The following SAMD4A variants were observed in gnomAD, a reference collection of about 807,000 sequenced individuals.
SAMD4A encodes the protein sterile alpha motif domain containing 4A, also known as protein Smaug homolog 1.
Under a neutral mutation model 81.3 loss-of-function variants are expected in SAMD4A, and 33 were observed. That is an observed-to-expected ratio of 0.41 (90% confidence interval 0.31 to 0.54). The LOEUF is 0.54. Among genes scored for constraint, SAMD4A ranks in the 20% least tolerant of loss-of-function variants. The pLI is 0.37. For missense variants in SAMD4A, 854 were observed against 951.1 expected (o/e 0.90, Z 1.34); for synonymous variants, 389 against 382.1 (o/e 1.02, Z -0.21).
chr14:54,686,005 A>G, intron 2 of SAMD4A: 1 of 391,834 alleles, frequency 2.6e-6, no homozygotes, highest in Non-Finnish European at 5.1e-6. Flanking sequence ...CAAAGGTCCT[A>G]TGTAGTCTCA....
intron 3 of SAMD4A, among the ~76,000 whole-genome samples, chr14:54,726,275 C>T (rs1004273107): frequency 1.8e-4 from 27 of 152,048 alleles, no homozygotes; most frequent in African/African-American, 6.3e-4. Flanking sequence ...CACTATTGCC[C>T]AGGAGTCAAA....
At chr14:54,728,221 T>A (rs1460882077) in intron 3 of SAMD4A, among the ~76,000 whole-genome samples, 1 of 152,176 alleles carries the variant, frequency 6.6e-6, no homozygotes, top group African/African-American at 2.4e-5. Flanking sequence ...ACGGTTTAAA[T>A]GAAAAATGCA....
chr14:54,768,672 A>C (rs1009371637), intron 8 of SAMD4A, among the ~76,000 whole-genome samples: 3 of 152,230 alleles, frequency 2.0e-5, no homozygotes, highest in Admixed American at 1.3e-4. Context: ...GTGTAGCTGG[A>C]CATGCAGGGA....
At chr14:54,675,713 C>T (rs1213529176) in intron 2 of SAMD4A, among the ~76,000 whole-genome samples, 1 of 152,220 alleles carries the variant, frequency 6.6e-6, no homozygotes. Context: ...TGAATACCAA[C>T]ACAGTATGTG....
chr14:54,784,637 T>G lies in SAMD4A; in HGVS notation c.2128+17T>G. The G allele has an allele frequency of 6.2e-7, 1 of 1,604,040 alleles. No individual in the cohort carries two copies. Among genetic ancestry groups the G allele is most frequent in the Non-Finnish European group, 8.5e-7 (1 of 1,170,870 alleles). On this transcript the variant is annotated intron_variant, in intron 12 of 12. Coordinates refer to ENST00000554335, the MANE Select transcript of SAMD4A (RefSeq NM_015589.6). ...CCCTGGGAGGTGAGTGTGTTCTTCC[T>G]GCATGTCCCCATGTCCCTGTTACCG... is the stretch of plus-strand genomic sequence containing the variant.
At chr14:54,642,338 C>T (rs2035193114) in intron 2 of SAMD4A, among the ~76,000 whole-genome samples, 1 of 152,130 alleles carries the variant, frequency 6.6e-6, no homozygotes, top group Non-Finnish European at 1.5e-5. Context: ...GGACTTTGTT[C>T]AATGAAGAGT....
chr14:54,591,884 G>C (rs1266555650), intron 2 of SAMD4A, among the ~76,000 whole-genome samples: 1 of 152,082 alleles, frequency 6.6e-6, no homozygotes, highest in Admixed American at 6.5e-5. Flanking sequence ...GAGTCTGATG[G>C]GGTTGAAAGC....
intron 11 of SAMD4A, 179 bp from the exon 12 acceptor site, chr14:54,784,358 G>C (rs780582903): frequency 8.3e-6 from 13 of 1,557,890 alleles, no homozygotes; most frequent in African/African-American, 5.5e-5. Context: ...GTTCACAGTG[G>C]ACTGTGTTTA....
At chr14:54,705,523 T>C (rs1387113595) in intron 3 of SAMD4A, among the ~76,000 whole-genome samples, 2 of 152,234 alleles carry the variant, frequency 1.3e-5, no homozygotes, top group African/African-American at 4.8e-5. Flanking sequence ...ATCAGCCACG[T>C]TAATGATGTT....
In SAMD4A at chr14:54,728,898, T is replaced by C. The variant is rs556051319; in HGVS notation, c.716-8126T>C. On this transcript the variant is annotated intron_variant, in intron 3 of 12. Transcript: ENST00000554335. ...TCCTCTGATGATGCCTGTCCTTACC[T>C]GATCAGTGAGAGCCACTGTTCCATG... is the stretch of plus-strand genomic sequence containing the variant. Among the ~76,000 whole-genome samples, 6 of 152,344 alleles carry C rather than the reference T, an allele frequency of 3.9e-5. No individual in the cohort carries two copies. In the East Asian group the frequency reaches 1.2e-3, roughly 29 times the overall value.
chr14:54,772,458 C>T (rs565534830), intron 9 of SAMD4A, among the ~76,000 whole-genome samples: 41 of 152,228 alleles, frequency 2.7e-4, no homozygotes, highest in African/African-American at 8.9e-4. Flanking sequence ...AGAAAGATGG[C>T]CTAGCCAAAT....
At position 54,720,452 on chromosome 14, in the gene SAMD4A, G is replaced by C. The variant is rs563338245; in HGVS notation, c.716-16572G>C. ...TTATGTGTGTAGATTTCACCACAGA[G>C]AGATCAGATAGGAACCTAACCTGGC... On this transcript the variant is annotated intron_variant, in intron 3 of 12. Transcript: ENST00000554335. 2.0e-5 allele frequency among the ~76,000 whole-genome samples: 3 copies of C among 150,404 alleles called. No individual in the cohort carries two copies. In the South Asian group the frequency reaches 6.3e-4, roughly 32 times the overall value.
chr14:54,774,929 CACAGTCGAGGCTTTG>C lies in SAMD4A; in HGVS notation c.1716-4_1726del. ...ATTCTCTTCCTTCTCTCTTGGCTCTCACAGTCGAGGCTTTGGGCAATCCAACTCCCTCCCGACGGC... is the reference window on the plus strand; with the variant it reads ...ATTCTCTTCCTTCTCTCTTGGCTCTCGGCAATCCAACTCCCTCCCGACGGC... On this transcript the variant is annotated splice_acceptor_variant and splice_polypyrimidine_tract_variant and coding_sequence_variant and intron_variant, in exon 10 of 13. Transcript: ENST00000554335. LOFTEE classifies it high-confidence loss of function. The C allele has an allele frequency of 6.2e-7, 1 of 1,614,108 alleles. No individual in the cohort carries two copies. The highest frequency in any genetic ancestry group is 8.5e-7 in the Non-Finnish European group (1 of 1,180,008).
chr14:54,727,315 G>T (rs531745282), intron 3 of SAMD4A, among the ~76,000 whole-genome samples: 1 of 150,642 alleles, frequency 6.6e-6, no homozygotes, highest in South Asian at 2.1e-4. Flanking sequence ...TCAGCCCCCC[G>T]AGTAGCTAGG....
chr14:54,758,907 C>T (rs1252377742), intron 6 of SAMD4A, among the ~76,000 whole-genome samples: 1 of 152,094 alleles, frequency 6.6e-6, no homozygotes, highest in Non-Finnish European at 1.5e-5. Flanking sequence ...CTAGGAAGAC[C>T]TTGATGTGCA....
chr14:54,684,875 C>T (rs1340496224), intron 2 of SAMD4A, among the ~76,000 whole-genome samples: 1 of 152,142 alleles, frequency 6.6e-6, no homozygotes. Flanking sequence ...TGCCTCAGGG[C>T]GGGACCTGGA....
chr14:54,774,789 G>A, intron 9 of SAMD4A, 145 bp from the exon 10 acceptor site: 1 of 750,468 alleles, frequency 1.3e-6, no homozygotes, highest in East Asian at 2.7e-5. Context: ...ACTCCAACCT[G>A]GGTAACAGAG....
chr14:54,724,019 A>T (rs1294722140), intron 3 of SAMD4A, among the ~76,000 whole-genome samples: 1 of 145,766 alleles, frequency 6.9e-6, no homozygotes, highest in South Asian at 2.2e-4. Context: ...GAAGGAAGGA[A>T]GGAAGGAAGG....
At chr14:54,590,211 A>G (rs879866774) in intron 2 of SAMD4A, among the ~76,000 whole-genome samples, 6 of 152,182 alleles carry the variant, frequency 3.9e-5, no homozygotes, top group Admixed American at 1.3e-4. Flanking sequence ...AAGGACAGAA[A>G]GTTCTCATGG....
Sources: gnomAD v4.1 joint callset for allele counts (sites outside exome capture counted in the v4.1 genomes callset) on GRCh38, gnomAD v4.1.1 for gene constraint, MANE v1.5 for transcripts, NCBI Gene and HGNC (gene_info 2026-07-23, HGNC 2026-07-21) for gene names.